DLGAP4: variants seen among roughly 807,000 people sequenced by gnomAD.
DLGAP4 encodes the protein DLG associated protein 4.
A neutral mutation model predicts 86.9 loss-of-function variants in DLGAP4; 18 were observed. The observed-to-expected ratio is 0.21, with a 90% CI of 0.14 to 0.31. The LOEUF (loss-of-function observed/expected upper bound fraction) is 0.31. DLGAP4 is among the 10% of genes least tolerant of loss of function. The pLI, the probability that DLGAP4 is intolerant of heterozygous loss-of-function variation, is 1.00. For synonymous variants in DLGAP4, 548 were observed against 574.3 expected, an observed-to-expected ratio of 0.95 and a Z score of 0.65; for missense variants, 1,085 against 1,362.6, an observed-to-expected ratio of 0.80 and a Z score of 3.21.
At chr20:36,382,902 C>A (rs1042730782) in intron 2 of DLGAP4, among the ~76,000 whole-genome samples, 1 of 152,116 alleles carries the variant, frequency 6.6e-6, no homozygotes, top group Non-Finnish European at 1.5e-5. Flanking sequence ...CTTGACCTAG[C>A]ACATAGTAGA....
intron 7 of DLGAP4, among the ~76,000 whole-genome samples, chr20:36,476,179 T>C (rs1279000383): frequency 1.3e-5 from 2 of 152,016 alleles, no homozygotes; most frequent in Non-Finnish European, 2.9e-5. Flanking sequence ...GTGCAGTTCA[T>C]TGGCACTAAG....
intron 2 of DLGAP4, among the ~76,000 whole-genome samples, chr20:36,417,533 G>C (rs553752230): frequency 6.6e-6 from 1 of 151,754 alleles, no homozygotes; most frequent in Non-Finnish European, 1.5e-5. Flanking sequence ...AGGTGTACAC[G>C]GCTACACCTG....
intron 1 of DLGAP4, among the ~76,000 whole-genome samples, chr20:36,330,642 G>A (rs1344185605): frequency 2.0e-5 from 3 of 149,398 alleles, no homozygotes; most frequent in Non-Finnish European, 3.0e-5. Context: ...GTGTGATCTC[G>A]GCTCACTGCA....
chr20:36,366,065 G>T (rs1222946370), intron 1 of DLGAP4, among the ~76,000 whole-genome samples: 1 of 152,082 alleles, frequency 6.6e-6, no homozygotes, highest in African/African-American at 2.4e-5. Flanking sequence ...GGAATAGAGG[G>T]GCCTTTTTCT....
chr20:36,476,142 C>T (rs2034905341), intron 7 of DLGAP4, among the ~76,000 whole-genome samples: 1 of 151,576 alleles, frequency 6.6e-6, no homozygotes, highest in East Asian at 2.0e-4. Flanking sequence ...TACACACGCG[C>T]CCGGCCCTTC....
intron 1 of DLGAP4, among the ~76,000 whole-genome samples, chr20:36,331,990 G>A (rs2065273440): frequency 6.6e-6 from 1 of 151,976 alleles, no homozygotes; most frequent in Non-Finnish European, 1.5e-5. Context: ...CGGGTAGGGG[G>A]AGATGAAGTC....
Position 36,500,364 on chromosome 20 carries a change from T to G in DLGAP4, c.2265T>G (p.Ile755Met). 1.2e-6 allele frequency: 2 copies of G among 1,612,060 alleles called. No homozygotes were observed. The highest frequency in any genetic ancestry group is 1.1e-5 in the South Asian group (1 of 90,716). ...IDAGPRQAPK[I>M]AQIKRNLSYG... ...CCGGTCCCCGGCAGGCCCCCAAGAT[T>G]GCCCAGATCAAGCGCAACCTCTCCT... Residue 755 changes from isoleucine to methionine, a missense_variant, in exon 10 of 13, where the codon ATT becomes ATG. This residue lies in a region of DLGAP4 where 1,082 missense variants were observed against 1,344.1 expected (regional missense o/e 0.81). Coordinates refer to ENST00000339266, the MANE Select transcript of DLGAP4 (RefSeq NM_001365621.2). The surrounding 1 kb of genome is among the most constrained non-coding windows in gnomAD (Gnocchi z 4.6).
intron 7 of DLGAP4, among the ~76,000 whole-genome samples, chr20:36,476,106 G>C (rs1192511735): frequency 6.6e-6 from 1 of 151,912 alleles, no homozygotes; most frequent in African/African-American, 2.4e-5. Context: ...TGATCCACCT[G>C]CCTTGGCCTC....
intron 1 of DLGAP4, among the ~76,000 whole-genome samples, chr20:36,320,983 G>A (rs1242889379): frequency 6.6e-6 from 1 of 152,202 alleles, no homozygotes; most frequent in Non-Finnish European, 1.5e-5. Context: ...GAGGATTTGA[G>A]CCTGCTGCGG....
intron 1 of DLGAP4, among the ~76,000 whole-genome samples, chr20:36,366,457 G>A (rs1357228978): frequency 2.0e-5 from 3 of 152,220 alleles, no homozygotes; most frequent in Admixed American, 6.5e-5. Flanking sequence ...GCTCTCACAC[G>A]AGAGTGCCAC....
intron 8 of DLGAP4, chr20:36,499,089 A>G (rs1035909491): frequency 2.6e-5 from 19 of 737,294 alleles, no homozygotes; most frequent in Non-Finnish European, 3.7e-5. Flanking sequence ...CCTGCCCTCC[A>G]GGTTTCTGCC....
chr20:36,446,996 T>C lies in DLGAP4; in HGVS notation c.1648+59T>C. ...CTTTTCAAGGGGACCCCAAGGACCA[T>C]ACCTGGAGGGCCAGCCTGGGAGGAT... On this transcript the variant is annotated intron_variant, in intron 7 of 12. Coordinates refer to ENST00000339266, the MANE Select transcript of DLGAP4 (RefSeq NM_001365621.2). The C allele has an allele frequency of 1.9e-6, 3 of 1,539,520 alleles. No individual in the cohort carries two copies. The South Asian group carries it at 3.7e-5, about 19-fold the overall frequency.
At chr20:36,369,844 T>C (rs182401699) in intron 2 of DLGAP4, among the ~76,000 whole-genome samples, 23 of 152,354 alleles carry the variant, frequency 1.5e-4, no homozygotes, top group Admixed American at 1.4e-3. Context: ...ATTGAGCACT[T>C]ACTAACAGGC....
At chr20:36,326,405 C>T (rs1339145428) in intron 1 of DLGAP4, among the ~76,000 whole-genome samples, 1 of 151,872 alleles carries the variant, frequency 6.6e-6, no homozygotes, top group African/African-American at 2.4e-5. Context: ...TGCAGTATGG[C>T]TTACAATCTA....
intron 7 of DLGAP4, among the ~76,000 whole-genome samples, chr20:36,465,848 C>T (rs535859358): frequency 3.9e-5 from 6 of 152,234 alleles, no homozygotes; most frequent in Non-Finnish European, 5.9e-5. Flanking sequence ...TGTCCTTTCC[C>T]GCTTCAGCCT....
At chr20:36,491,607 A>C (rs1387691557) in intron 7 of DLGAP4, among the ~76,000 whole-genome samples, 8 of 151,422 alleles carry the variant, frequency 5.3e-5, no homozygotes, top group Non-Finnish European at 1.0e-4. Context: ...GGAATGGTGC[A>C]CTGTGCATTT....
At chr20:36,481,226 C>T (rs2035173265) in intron 7 of DLGAP4, among the ~76,000 whole-genome samples, 1 of 152,318 alleles carries the variant, frequency 6.6e-6, no homozygotes, top group East Asian at 1.9e-4. Context: ...GCCAGCTCTG[C>T]TTCTTAGAAA....
At chr20:36,340,544 C>T (rs117663365) in intron 1 of DLGAP4, among the ~76,000 whole-genome samples, 5,803 of 152,302 alleles carry the variant, frequency 0.038, 149 homozygotes, top group Middle Eastern at 0.099. Context: ...GTGCCCCCAG[C>T]CCAGGTCGGG....
In DLGAP4 at chr20:36,500,629, GGTCCT is replaced by G. The variant is rs1164056475; in HGVS notation, c.2512+19_2512+23del. 1 of 1,472,204 alleles carries G rather than the reference GGTCCT, an allele frequency of 6.8e-7. No individual in the cohort carries two copies. Among genetic ancestry groups the G allele is most frequent in the Non-Finnish European group, 9.0e-7 (1 of 1,111,334 alleles). The allele number at this position is 1,472,204 out of a possible 1,614,324, so 91.2% of individuals were successfully genotyped here. A position where few individuals can be genotyped will look rare whatever the true frequency, so the allele number is the denominator to read the frequency against. Reference sequence around the variant, plus strand: ...TGAAGAAGGTGGGTGCCACATGGATGGTCCTTGGGCAAGGGTAGAAGGTGTTGGCA... The same window carrying G: ...TGAAGAAGGTGGGTGCCACATGGATGTGGGCAAGGGTAGAAGGTGTTGGCA... On this transcript the variant is annotated intron_variant, in intron 10 of 12. Coordinates refer to ENST00000339266, the MANE Select transcript of DLGAP4 (RefSeq NM_001365621.2). This position sits in a 1 kb window ranked among gnomAD's most constrained non-coding sequence, Gnocchi z 4.6.
Sources: gnomAD v4.1 joint callset for allele counts (sites outside exome capture counted in the v4.1 genomes callset) on GRCh38, gnomAD v4.1.1 for gene constraint, gnomAD v4.1.1 regional missense constraint, Gnocchi (gnomAD v3.1) non-coding constraint, MANE v1.5 for transcripts, NCBI Gene and HGNC (gene_info 2026-07-23, HGNC 2026-07-21) for gene names.